The following OPCML variants were observed in gnomAD, a reference collection of about 807,000 sequenced individuals.
OPCML encodes the protein opioid binding protein/cell adhesion molecule like.
OPCML carries 13 observed loss-of-function variants against 37.8 expected under a neutral mutation model. The ratio of observed to expected loss-of-function variants is 0.34; its 90% CI spans 0.22 to 0.55. The LOEUF (loss-of-function observed/expected upper bound fraction) is 0.55, where lower values mean the gene tolerates loss of function less well. Among genes scored for constraint, OPCML ranks in the 20% least tolerant of loss-of-function variants. OPCML has a pLI of 0.91. For synonymous variants in OPCML, 176 were observed against 168.8 expected (o/e 1.04, Z -0.33); for missense variants, 341 against 435.6 (o/e 0.78, Z 1.93).
chr11:132,582,333 G>C (rs375560088), intron 3 of OPCML, among the ~76,000 whole-genome samples: 4 of 151,814 alleles, frequency 2.6e-5, no homozygotes, highest in African/African-American at 9.7e-5. Flanking sequence ...CAAGTTGAAG[G>C]TCAAACAATA....
intron 1 of OPCML, among the ~76,000 whole-genome samples, chr11:133,132,063 A>T (rs1949612614): frequency 6.6e-6 from 1 of 152,198 alleles, no homozygotes; most frequent in Non-Finnish European, 1.5e-5. Flanking sequence ...CAAAATTAAA[A>T]ATTTTTTTGA....
At chr11:132,562,683 C>T (rs189450131) in intron 3 of OPCML, among the ~76,000 whole-genome samples, 365 of 151,780 alleles carry the variant, frequency 2.4e-3, no homozygotes, top group Non-Finnish European at 3.4e-3. Context: ...GAAACCATGA[C>T]CTACACAGCA....
intron 2 of OPCML, among the ~76,000 whole-genome samples, chr11:132,850,091 G>T (rs1458855763): frequency 6.6e-6 from 1 of 152,184 alleles, no homozygotes; most frequent in Admixed American, 6.5e-5. Flanking sequence ...AGTGAAGTGT[G>T]TGCATTTTAT....
chr11:132,795,638 A>C (rs1368845714), intron 2 of OPCML, among the ~76,000 whole-genome samples: 1 of 152,222 alleles, frequency 6.6e-6, no homozygotes, highest in Admixed American at 6.5e-5. Context: ...AATTCCACAT[A>C]TTCCATATTT....
At chr11:133,338,830 T>C (rs1170800685) in intron 1 of OPCML, among the ~76,000 whole-genome samples, 1 of 152,220 alleles carries the variant, frequency 6.6e-6, no homozygotes, top group Non-Finnish European at 1.5e-5. Context: ...GTGTGAGGAA[T>C]CCTGTGTATC....
At chr11:133,292,614 G>A (rs1942511733) in intron 1 of OPCML, among the ~76,000 whole-genome samples, 2 of 152,048 alleles carry the variant, frequency 1.3e-5, no homozygotes, top group Non-Finnish European at 2.9e-5. Flanking sequence ...CGTACGCTGG[G>A]GTTTACTGTG....
At chr11:133,051,522 T>C (rs1455371849) in intron 1 of OPCML, among the ~76,000 whole-genome samples, 1 of 152,164 alleles carries the variant, frequency 6.6e-6, no homozygotes, top group Non-Finnish European at 1.5e-5. Context: ...GGTTTTTGTT[T>C]GTTTGTTTGT....
chr11:132,803,635 A>T (rs181577227), intron 2 of OPCML, among the ~76,000 whole-genome samples: 1 of 152,352 alleles, frequency 6.6e-6, no homozygotes, highest in African/African-American at 2.4e-5. Flanking sequence ...ATGAGCGAGG[A>T]TGTGCTCCTT....
intron 1 of OPCML, among the ~76,000 whole-genome samples, chr11:132,964,087 A>G (rs903900114): frequency 6.6e-6 from 1 of 152,224 alleles, no homozygotes; most frequent in African/African-American, 2.4e-5. Context: ...AGAGGGCAAG[A>G]CACACCTAAT....
intron 2 of OPCML, among the ~76,000 whole-genome samples, chr11:132,702,026 AATT>A (rs1943846051): frequency 6.6e-6 from 1 of 152,162 alleles, no homozygotes; most frequent in Non-Finnish European, 1.5e-5. Flanking sequence ...TTCATCAGGA[AATT>A]ATTATGGCTA....
chr11:132,883,837 G>A (rs1238480726), intron 2 of OPCML, among the ~76,000 whole-genome samples: 4 of 152,150 alleles, frequency 2.6e-5, no homozygotes, highest in East Asian at 3.9e-4. Flanking sequence ...AAGAGCCCAG[G>A]GGTAGTGAAC....
At chr11:132,747,720 T>C (rs1259122966) in intron 2 of OPCML, among the ~76,000 whole-genome samples, 1 of 152,228 alleles carries the variant, frequency 6.6e-6, no homozygotes, top group East Asian at 1.9e-4. Flanking sequence ...AAGTTTATAT[T>C]AGACAATGAC....
At chr11:133,396,167 C>G (rs201846003) in intron 1 of OPCML, among the ~76,000 whole-genome samples, 1 of 144,756 alleles carries the variant, frequency 6.9e-6, no homozygotes, top group African/African-American at 2.6e-5. Context: ...TTTTTTTTTT[C>G]TTTTTCAGAT....
chr11:132,989,363 T>C (rs1441907152), intron 1 of OPCML, among the ~76,000 whole-genome samples: 1 of 152,060 alleles, frequency 6.6e-6, no homozygotes, highest in Non-Finnish European at 1.5e-5. Context: ...TGGAAATAAA[T>C]AAGTGAAAAC....
chr11:132,584,380 T>G (rs530519843), intron 3 of OPCML, among the ~76,000 whole-genome samples: 1 of 152,144 alleles, frequency 6.6e-6, no homozygotes, highest in Non-Finnish European at 1.5e-5. Flanking sequence ...CTCTTAACAG[T>G]AGAGGGATAT....
chr11:132,526,039 T>C (rs76243313), intron 4 of OPCML, among the ~76,000 whole-genome samples: 16,830 of 152,110 alleles, frequency 0.11, 2,221 homozygotes, highest in African/African-American at 0.32. Flanking sequence ...AGAGGGATCA[T>C]TTAAATTTAG....
At chr11:133,032,423 G>A (rs1947691571) in intron 1 of OPCML, among the ~76,000 whole-genome samples, 2 of 152,044 alleles carry the variant, frequency 1.3e-5, no homozygotes, top group African/African-American at 4.8e-5. Context: ...GTCTATCCCA[G>A]CTCAGCATGC....
At chr11:133,317,917 A>T (rs1943243065) in intron 1 of OPCML, among the ~76,000 whole-genome samples, 1 of 152,184 alleles carries the variant, frequency 6.6e-6, no homozygotes, top group Non-Finnish European at 1.5e-5. Flanking sequence ...AATACTGTTC[A>T]TTGCTTGCCT....
chr11:132,946,828 A>G (rs572268062), intron 1 of OPCML, among the ~76,000 whole-genome samples: 1 of 152,184 alleles, frequency 6.6e-6, no homozygotes, highest in Non-Finnish European at 1.5e-5. Flanking sequence ...TCTTTTCTCA[A>G]GACTTGAGTG....
Sources: allele counts gnomAD v4.1 joint callset (sites outside exome capture counted in the v4.1 genomes callset), GRCh38; gene constraint gnomAD v4.1.1; transcripts MANE v1.5; gene names NCBI Gene and HGNC (gene_info 2026-07-23, HGNC 2026-07-21).